Variants in CFAP70 observed in about 807,000 individuals in gnomAD.
CFAP70 encodes cilia and flagella associated protein 70.
Under a neutral mutation model 137.6 loss-of-function variants are expected in CFAP70, and 81 were observed. The ratio of observed to expected loss-of-function variants is 0.59; its 90% CI spans 0.49 to 0.71. The LOEUF (loss-of-function observed/expected upper bound fraction) is 0.71, where lower values mean the gene tolerates loss of function less well. Ranked by LOEUF, CFAP70 falls within the 30% of genes least tolerant of loss-of-function variation. The pLI, the probability that CFAP70 is intolerant of heterozygous loss-of-function variation, is 0.00. For missense variants in CFAP70, 976 were observed against 1,226.7 expected, an observed-to-expected ratio of 0.80 and a Z score of 3.05; for synonymous variants, 382 against 423.6, an observed-to-expected ratio of 0.90 and a Z score of 1.20.
chr10:73,316,026 T>A (rs1184660035), intron 9 of CFAP70, among the ~76,000 whole-genome samples: 1 of 152,254 alleles, frequency 6.6e-6, no homozygotes, highest in Non-Finnish European at 1.5e-5. Context: ...ACACTTATAA[T>A]TGTCCTGTCT....
chr10:73,255,180 C>T (rs79041509), intron 26 of CFAP70, among the ~76,000 whole-genome samples: 1 of 152,150 alleles, frequency 6.6e-6, no homozygotes, highest in African/African-American at 2.4e-5. Context: ...GGGGGGATCA[C>T]AAGGTCAGGA....
At chr10:73,312,389 T>C (rs1035427833) in intron 10 of CFAP70, 84 bp downstream of exon 11, 1 of 1,016,120 alleles carries the variant, frequency 9.8e-7, no homozygotes, top group Non-Finnish European at 1.4e-6. Flanking sequence ...AAACTAACAT[T>C]GATACCAGTC....
At chr10:73,311,063 C>T (rs2132088455) in intron 11 of CFAP70, among the ~76,000 whole-genome samples, 1 of 152,296 alleles carries the variant, frequency 6.6e-6, no homozygotes, top group African/African-American at 2.4e-5. Context: ...TGATGTGAAT[C>T]TCCAAGAAGA....
intron 25 of CFAP70, among the ~76,000 whole-genome samples, chr10:73,268,502 G>GTA (rs2045966685): frequency 1.3e-5 from 2 of 151,940 alleles, no homozygotes; most frequent in Non-Finnish European, 2.9e-5. Flanking sequence ...TTATACATCT[G>GTA]TATATATATC....
chr10:73,291,252 G>C (rs1248778387), exon 19 of CFAP70: 2 of 1,614,142 alleles, frequency 1.2e-6, no homozygotes. Context: ...CTTGATTGCT[G>C]TTGCAGAACC....
At chr10:73,266,743 TTGC>T (rs1213149404) in intron 25 of CFAP70, among the ~76,000 whole-genome samples, 37 of 152,298 alleles carry the variant, frequency 2.4e-4, no homozygotes, top group African/African-American at 7.7e-4. Flanking sequence ...AGTCTCCATT[TTGC>T]TGCTAATATT....
At chr10:73,259,185 G>A (rs1011626080) in intron 25 of CFAP70, among the ~76,000 whole-genome samples, 1 of 151,790 alleles carries the variant, frequency 6.6e-6, no homozygotes, top group African/African-American at 2.4e-5. Flanking sequence ...TCTCCTTTTT[G>A]TACTCTTTCC....
At chr10:73,256,864 C>G (rs754519973) in intron 25 of CFAP70, among the ~76,000 whole-genome samples, 3 of 141,530 alleles carry the variant, frequency 2.1e-5, no homozygotes, top group Non-Finnish European at 3.0e-5. Flanking sequence ...CATCATGCCA[C>G]TGCACTCCAT....
At chr10:73,262,635 A>G (rs1411343406) in intron 25 of CFAP70, among the ~76,000 whole-genome samples, 1 of 152,178 alleles carries the variant, frequency 6.6e-6, no homozygotes, top group Non-Finnish European at 1.5e-5. Flanking sequence ...CATATTTAGT[A>G]GCACCTGTGG....
At chr10:73,290,867 T>C (rs1053986428) in intron 19 of CFAP70, among the ~76,000 whole-genome samples, 1 of 152,204 alleles carries the variant, frequency 6.6e-6, no homozygotes, top group Non-Finnish European at 1.5e-5. Context: ...AGACCACTAA[T>C]CATATGAATG....
chr10:73,335,549 C>T (rs1471860393), intron 6 of CFAP70, 25 bp from the exon 8 acceptor site: 1 of 1,555,688 alleles, frequency 6.4e-7, no homozygotes, highest in Admixed American at 1.7e-5. Flanking sequence ...TACTTCTGTT[C>T]TCGGTATGTG....
At chr10:73,350,825 C>T in intron 3 of CFAP70, among the ~76,000 whole-genome samples, 1 of 151,726 alleles carries the variant, frequency 6.6e-6, no homozygotes, top group Middle Eastern at 3.4e-3. Flanking sequence ...CAGTGGTGCG[C>T]TCTCAGCTCA....
intron 8 of CFAP70, among the ~76,000 whole-genome samples, chr10:73,325,563 C>A (rs2051324893): frequency 6.6e-6 from 1 of 152,042 alleles, no homozygotes; most frequent in African/African-American, 2.4e-5. Flanking sequence ...AGAGTCAAGA[C>A]CCATCAGTGT....
intron 25 of CFAP70, among the ~76,000 whole-genome samples, chr10:73,258,014 T>C (rs2044703093): frequency 6.6e-6 from 1 of 151,870 alleles, no homozygotes; most frequent in African/African-American, 2.4e-5. Flanking sequence ...TGCCTCAGCC[T>C]CCTGAGTAGC....
At chr10:73,259,427 G>A (rs546836421) in intron 25 of CFAP70, among the ~76,000 whole-genome samples, 1 of 152,140 alleles carries the variant, frequency 6.6e-6, no homozygotes, top group Non-Finnish European at 1.5e-5. Flanking sequence ...TTAGCAAACT[G>A]CATATTCCTA....
intron 24 of CFAP70, among the ~76,000 whole-genome samples, chr10:73,271,579 T>G (rs186571939): frequency 6.6e-6 from 1 of 152,346 alleles, no homozygotes; most frequent in East Asian, 1.9e-4. Flanking sequence ...TACATTAAAA[T>G]TGCTTTCATA....
At chr10:73,268,885 C>A (rs552948906) in intron 25 of CFAP70, among the ~76,000 whole-genome samples, 1 of 151,874 alleles carries the variant, frequency 6.6e-6, no homozygotes, top group Non-Finnish European at 1.5e-5. Flanking sequence ...CAGGGTTTTG[C>A]CATGTTCCCC....
Position 73,292,879 on chromosome 10 carries a change from G to A in CFAP70, c.1770+384C>T, listed in dbSNP as rs1411574270. Among the ~76,000 whole-genome samples, 6 of 151,850 alleles carry A rather than the reference G, an allele frequency of 4.0e-5. No homozygotes were observed. In the East Asian group the frequency reaches 5.8e-4, roughly 15 times the overall value. ...ATTTTTCTTTGATCGATCATGCTTC[G>A]GTGTCACGTCTAAGAACTCTACCTG... On this transcript the variant is annotated intron_variant, in intron 16 of 26. Coordinates refer to ENST00000310715, the Ensembl canonical transcript of CFAP70.
At chr10:73,309,940 G>A (rs372890376) in intron 12 of CFAP70, among the ~76,000 whole-genome samples, 1 of 152,074 alleles carries the variant, frequency 6.6e-6, no homozygotes, top group Non-Finnish European at 1.5e-5. Flanking sequence ...TTACAGGCAT[G>A]AGCCACCGCA....
Sources: allele counts gnomAD v4.1 joint callset (sites outside exome capture counted in the v4.1 genomes callset), GRCh38; gene constraint gnomAD v4.1.1; transcripts MANE v1.5; gene names NCBI Gene and HGNC (gene_info 2026-07-23, HGNC 2026-07-21).